SNTG1: variants seen among roughly 807,000 people sequenced by gnomAD.
SNTG1 encodes the protein syntrophin gamma 1, also known as gamma-1-syntrophin.
In SNTG1, 39 loss-of-function variants were observed where a neutral mutation model predicts 74.7. The observed-to-expected ratio is 0.52, with a 90% CI of 0.40 to 0.68. SNTG1 has a LOEUF of 0.68. SNTG1 is among the 30% of genes least tolerant of loss of function. SNTG1 has a pLI of 0.00. For missense variants in SNTG1, 685 were observed against 609.5 expected, an observed-to-expected ratio of 1.12 and a Z score of -1.30; for synonymous variants, 254 against 217.1, an observed-to-expected ratio of 1.17 and a Z score of -1.49.
rs768083735 is a variant in SNTG1, at chr8:50,502,797, C to G, written c.383C>G (p.Ala128Gly). Residue 128 changes from alanine to glycine, a missense_variant, in exon 9 of 19, where the codon GCT becomes GGT. Physicochemically the swap from Ala to Gly is moderately conservative, Grantham distance 60. Coordinates refer to ENST00000642720, the MANE Select transcript of SNTG1 (RefSeq NM_018967.5). ...TTTCAGGTTCAGGTTCTTCGGAATG[C>G]TGGAGAAGAAGTGACTCTAACAGTG... ...HEEVVQVLRN[A>G]GEEVTLTVSF... 6.2e-7 allele frequency: 1 copy of G among 1,612,122 alleles called. No individual in the cohort carries two copies. The highest frequency in any genetic ancestry group is 2.2e-5 in the East Asian group (1 of 44,768).
chr8:50,567,724 A>G (rs887113327), intron 12 of SNTG1, among the ~76,000 whole-genome samples: 6 of 152,066 alleles, frequency 3.9e-5, no homozygotes, highest in African/African-American at 1.4e-4. Context: ...TGGATAATGA[A>G]CTCATTACAA....
intron 1 of SNTG1, among the ~76,000 whole-genome samples, chr8:50,009,043 G>A (rs1815520508): frequency 6.6e-6 from 1 of 151,862 alleles, no homozygotes; most frequent in African/African-American, 2.4e-5. Context: ...TTATTTATGA[G>A]AAGTTAATTT....
intron 13 of SNTG1, among the ~76,000 whole-genome samples, chr8:50,618,738 T>C (rs997201530): frequency 7.2e-5 from 11 of 152,192 alleles, no homozygotes; most frequent in African/African-American, 2.2e-4. Flanking sequence ...TTACTGGTTG[T>C]CAGTTGGAGA....
intron 4 of SNTG1, among the ~76,000 whole-genome samples, chr8:50,425,020 A>T (rs1481468): frequency 6.6e-6 from 1 of 151,956 alleles, no homozygotes; most frequent in Non-Finnish European, 1.5e-5. Context: ...AGAAATCAAT[A>T]GTTTTTTTCC....
chr8:50,481,699 C>T (rs1034830353), intron 8 of SNTG1, among the ~76,000 whole-genome samples: 3 of 152,102 alleles, frequency 2.0e-5, no homozygotes, highest in Non-Finnish European at 4.4e-5. Flanking sequence ...AGATACTTTT[C>T]CTCATCAATA....
intron 17 of SNTG1, among the ~76,000 whole-genome samples, chr8:50,726,518 G>A (rs2095500506): frequency 6.6e-6 from 1 of 152,178 alleles, no homozygotes. Context: ...TGCTTGGCTG[G>A]AACAGAGTAC....
chr8:50,039,380 G>C (rs1818432448), intron 1 of SNTG1, among the ~76,000 whole-genome samples: 1 of 147,764 alleles, frequency 6.8e-6, no homozygotes, highest in Admixed American at 6.9e-5. Flanking sequence ...GCATGAACCT[G>C]GGAGGCGGAG....
At chr8:50,639,191 T>G (rs1735169171) in intron 13 of SNTG1, among the ~76,000 whole-genome samples, 2 of 149,230 alleles carry the variant, frequency 1.3e-5, no homozygotes, top group South Asian at 2.1e-4. Flanking sequence ...TGTTATAAAA[T>G]AATGATAGTG....
At chr8:50,382,414 T>C (rs545411579) in intron 2 of SNTG1, 1 of 152,300 alleles carries the variant, frequency 6.6e-6, no homozygotes, top group South Asian at 2.1e-4. Context: ...AAATATGCGC[T>C]ACTAGAGTTA....
intron 1 of SNTG1, among the ~76,000 whole-genome samples, chr8:49,983,821 T>C (rs537759104): frequency 3.9e-5 from 6 of 152,262 alleles, no homozygotes; most frequent in Non-Finnish European, 8.8e-5. Flanking sequence ...AGTAAGAAGA[T>C]AATGTTGCTC....
intron 8 of SNTG1, among the ~76,000 whole-genome samples, chr8:50,470,861 G>A (rs750642597): frequency 2.6e-4 from 40 of 152,108 alleles, no homozygotes; most frequent in Non-Finnish European, 2.2e-4. Flanking sequence ...TCTGGTGGCC[G>A]GCGTTTATTC....
chr8:50,152,200 T>C (rs2082092129), intron 1 of SNTG1, among the ~76,000 whole-genome samples: 1 of 152,206 alleles, frequency 6.6e-6, no homozygotes, highest in South Asian at 2.1e-4. Flanking sequence ...TGGTTTAAAG[T>C]CTGTTTTATC....
Position 50,612,988 on chromosome 8 carries a change from C to T in SNTG1, c.849+22071C>T, listed in dbSNP as rs536514974. Among the ~76,000 whole-genome samples, 12 of 152,190 alleles carry T rather than the reference C, an allele frequency of 7.9e-5. No individual in the cohort carries two copies. In the South Asian group the frequency reaches 1.4e-3, roughly 18 times the overall value. ...AGCCAAGTGTACAGGAAAAAAAACA[C>T]TAGCCAGGATTACTGAGGTTACCAA... On this transcript the variant is annotated intron_variant, in intron 13 of 18. Coordinates refer to ENST00000642720, the MANE Select transcript of SNTG1 (RefSeq NM_018967.5).
chr8:50,391,871 T>C (rs1006006850), intron 2 of SNTG1, among the ~76,000 whole-genome samples: 1 of 152,100 alleles, frequency 6.6e-6, no homozygotes, highest in Non-Finnish European at 1.5e-5. Context: ...ATAACCACAC[T>C]ATAATAGTTA....
chr8:50,461,169 G>C (rs1027135340), intron 8 of SNTG1, among the ~76,000 whole-genome samples: 1 of 140,384 alleles, frequency 7.1e-6, no homozygotes, highest in East Asian at 2.0e-4. Context: ...GTGTGTGTGT[G>C]TGTGTGTGTG....
chr8:50,411,769 C>T (rs1029149015), intron 4 of SNTG1, among the ~76,000 whole-genome samples: 9 of 152,142 alleles, frequency 5.9e-5, no homozygotes, highest in African/African-American at 1.7e-4. Flanking sequence ...AGGGCTTATG[C>T]GGTTCCAGAT....
In SNTG1 at chr8:50,453,879, T is replaced by C. The variant is rs189755767; in HGVS notation, c.363+3150T>C. On this transcript the variant is annotated intron_variant, in intron 8 of 18. Coordinates refer to ENST00000642720, the MANE Select transcript of SNTG1 (RefSeq NM_018967.5). Reference sequence around the variant, plus strand: ...ATGCTGCTGCTCAGCATCCCATGCTTCCTCCAACAATTCCAGTGAGGAGTT... The same window carrying C: ...ATGCTGCTGCTCAGCATCCCATGCTCCCTCCAACAATTCCAGTGAGGAGTT... 1.6e-4 allele frequency among the ~76,000 whole-genome samples: 24 copies of C among 152,260 alleles called. No homozygotes were observed. In the East Asian group the frequency reaches 4.3e-3, roughly 27 times the overall value.
At chr8:50,572,351 A>G (rs2094554052) in intron 12 of SNTG1, among the ~76,000 whole-genome samples, 2 of 152,032 alleles carry the variant, frequency 1.3e-5, no homozygotes, top group African/African-American at 4.8e-5. Flanking sequence ...CACTGAACAT[A>G]TACCCATAGA....
chr8:50,747,208 T>C (rs1195291997), intron 17 of SNTG1, among the ~76,000 whole-genome samples: 1 of 151,930 alleles, frequency 6.6e-6, no homozygotes, highest in Admixed American at 6.6e-5. Flanking sequence ...TAGGCCTATA[T>C]AAATTGAAAA....
Sources: allele counts gnomAD v4.1 joint callset (sites outside exome capture counted in the v4.1 genomes callset), GRCh38; gene constraint gnomAD v4.1.1; transcripts MANE v1.5; gene names NCBI Gene and HGNC (gene_info 2026-07-23, HGNC 2026-07-21).